Variants in MGAT4C observed in about 807,000 individuals in gnomAD.
MGAT4C encodes the protein alpha-1,3-mannosyl-glycoprotein 4-beta-N-acetylglucosaminyltransferase C.
A neutral mutation model predicts 40.1 loss-of-function variants in MGAT4C; 19 were observed. The ratio of observed to expected loss-of-function variants is 0.47; its 90% confidence interval spans 0.33 to 0.70. The LOEUF (loss-of-function observed/expected upper bound fraction) is 0.70. Ranked by LOEUF, MGAT4C falls within the 30% of genes least tolerant of loss-of-function variation. The pLI is 0.02. For missense variants in MGAT4C, 491 were observed against 563.2 expected (o/e 0.87, Z 1.30); for synonymous variants, 181 against 187.1 (o/e 0.97, Z 0.27).
At chr12:86,176,542 C>A (rs1358978915) in intron 1 of MGAT4C, among the ~76,000 whole-genome samples, 4 of 151,836 alleles carry the variant, frequency 2.6e-5, no homozygotes, top group Non-Finnish European at 5.9e-5. Flanking sequence ...ACGTATCTGG[C>A]AATTTGACTC....
rs191289663 is a variant in MGAT4C at position 86,239,526 on chromosome 12, A to G, written c.-57+16713T>C. 2.0e-3 allele frequency among the ~76,000 whole-genome samples: 297 copies of G among 152,122 alleles called. 6 individuals carry two copies. Among genetic ancestry groups the G allele is most frequent in the Non-Finnish European group, 4.1e-4 (28 of 67,998 alleles). The stretch of plus-strand genomic sequence containing the variant: ...ATGTATTCATTTCATATCCTTTCAG[A>G]TATCTTTTCCAAGTGAAGTTCAAAA... On this transcript the variant is annotated intron_variant, in intron 1 of 4. Transcript: ENST00000611864.
At chr12:86,603,593 T>A in intron 2 of MGAT4C, among the ~76,000 whole-genome samples, 1 of 123,446 alleles carries the variant, frequency 8.1e-6, no homozygotes, top group South Asian at 2.3e-4. Context: ...AGTCATATAG[T>A]CTATAGACTA....
At chr12:86,754,448 T>C (rs984235091) in intron 1 of MGAT4C, among the ~76,000 whole-genome samples, 3 of 152,084 alleles carry the variant, frequency 2.0e-5, no homozygotes, top group Non-Finnish European at 2.9e-5. Context: ...ACTAATCAAA[T>C]TGTAGACTTT....
At chr12:86,010,506 C>T (rs563543331) in intron 2 of MGAT4C, among the ~76,000 whole-genome samples, 7 of 152,188 alleles carry the variant, frequency 4.6e-5, no homozygotes, top group East Asian at 1.9e-4. Flanking sequence ...GGTGAAACCC[C>T]GTCTCTACTA....
intron 1 of MGAT4C, among the ~76,000 whole-genome samples, chr12:86,813,086 T>A (rs879760507): frequency 3.3e-5 from 5 of 151,906 alleles, no homozygotes; most frequent in Admixed American, 6.6e-5. Flanking sequence ...AAATCCAGGG[T>A]TCCAAACCAG....
At chr12:86,706,576 T>C (rs1401893537) in intron 2 of MGAT4C, among the ~76,000 whole-genome samples, 1 of 152,058 alleles carries the variant, frequency 6.6e-6, no homozygotes, top group Non-Finnish European at 1.5e-5. Context: ...GTTTTTATAA[T>C]AAAATATTAA....
At chr12:86,019,992 G>A (rs992293179) in intron 2 of MGAT4C, among the ~76,000 whole-genome samples, 1 of 151,910 alleles carries the variant, frequency 6.6e-6, no homozygotes, top group Non-Finnish European at 1.5e-5. Context: ...GCTCTCTGTT[G>A]GTCTGTTATT....
intron 2 of MGAT4C, among the ~76,000 whole-genome samples, chr12:86,486,650 A>C (rs1276089222): frequency 6.6e-6 from 1 of 152,164 alleles, no homozygotes. Context: ...TAATTCACTG[A>C]TGGCATTAGA....
At chr12:86,436,724 G>A (rs1388480774) in intron 2 of MGAT4C, among the ~76,000 whole-genome samples, 1 of 151,624 alleles carries the variant, frequency 6.6e-6, no homozygotes. Flanking sequence ...CTTTAAAAGA[G>A]GTTTGTGTGA....
intron 2 of MGAT4C, among the ~76,000 whole-genome samples, chr12:86,586,170 A>C (rs1478922760): frequency 7.4e-6 from 1 of 134,678 alleles, no homozygotes; most frequent in Non-Finnish European, 1.6e-5. Flanking sequence ...CTCATTGTTT[A>C]ATTCCCACCT....
chr12:86,465,173 C>T lies in MGAT4C; in HGVS notation c.-228-29908G>A, dbSNP rs545246908. On this transcript the variant is annotated intron_variant, in intron 2 of 7. Coordinates refer to the MGAT4C transcript ENST00000548651. ...ATGATGCTAAAACAAATGGACATTA[C>T]ATTCAAAAAAATGACTTGAGACATA... Among the ~76,000 whole-genome samples the T allele has an allele frequency of 1.6e-3, 245 of 151,964 alleles. 2 individuals carry two copies. The highest frequency in any genetic ancestry group is 3.0e-3 in the Non-Finnish European group (205 of 67,978).
intron 2 of MGAT4C, among the ~76,000 whole-genome samples, chr12:86,574,749 G>A (rs1249060978): frequency 1.3e-5 from 2 of 151,590 alleles, no homozygotes; most frequent in African/African-American, 4.8e-5. Flanking sequence ...TGTGTGCCAG[G>A]CAAGTATATT....
upstream of MGAT4C, among the ~76,000 whole-genome samples, chr12:86,258,699 A>G (rs549780403): frequency 1.7e-4 from 26 of 152,216 alleles, no homozygotes; most frequent in African/African-American, 6.3e-4. Flanking sequence ...ATAGATTTCA[A>G]TGCTTAAATA....
intron 4 of MGAT4C, among the ~76,000 whole-genome samples, chr12:86,292,290 T>C (rs1225628514): frequency 2.6e-5 from 4 of 151,924 alleles, no homozygotes; most frequent in Non-Finnish European, 4.4e-5. Context: ...TTAAAATATT[T>C]TTTTAAAATA....
chr12:86,100,372 C>T (rs1413514738), intron 1 of MGAT4C, among the ~76,000 whole-genome samples: 1 of 151,302 alleles, frequency 6.6e-6, no homozygotes, highest in Non-Finnish European at 1.5e-5. Flanking sequence ...CTAATTCCTG[C>T]TCTTCTTAAA....
intron 2 of MGAT4C, among the ~76,000 whole-genome samples, chr12:86,712,354 C>A (rs1016691234): frequency 5.3e-5 from 8 of 152,028 alleles, no homozygotes; most frequent in Non-Finnish European, 8.8e-5. Context: ...AGATGTTTAT[C>A]AGTTCTCGAT....
At chr12:86,739,133 C>CAAGAAAAAAAAAAAA (rs1951027821) in intron 1 of MGAT4C, among the ~76,000 whole-genome samples, 1 of 39,772 alleles carries the variant, frequency 2.5e-5, no homozygotes, top group Non-Finnish European at 4.2e-5. Context: ...TTTCCCTGTG[C>CAAGAAAAAAAAAAAA]AAAAAAAAAA....
intron 3 of MGAT4C, among the ~76,000 whole-genome samples, chr12:86,428,350 A>G (rs1442043435): frequency 2.0e-5 from 3 of 152,138 alleles, no homozygotes; most frequent in Admixed American, 6.5e-5. Context: ...CCATGTATCT[A>G]CAGAGAGCAG....
chr12:86,527,389 T>C (rs1958902330), intron 2 of MGAT4C, among the ~76,000 whole-genome samples: 1 of 152,238 alleles, frequency 6.6e-6, no homozygotes, highest in Non-Finnish European at 1.5e-5. Flanking sequence ...ACCATTTTTA[T>C]TACTGTATCT....
Sources: allele counts gnomAD v4.1 joint callset (sites outside exome capture counted in the v4.1 genomes callset), GRCh38; gene constraint gnomAD v4.1.1; transcripts MANE v1.5; gene names NCBI Gene and HGNC (gene_info 2026-07-23, HGNC 2026-07-21).